The following ELMO1 variants were observed in gnomAD, a reference collection of about 807,000 sequenced individuals.
ELMO1 encodes the protein engulfment and cell motility 1, also known as engulfment and cell motility protein 1.
ELMO1 carries 26 observed loss-of-function variants against 98.9 expected under a neutral mutation model. The ratio of observed to expected loss-of-function variants is 0.26; its 90% confidence interval spans 0.19 to 0.36. The LOEUF (loss-of-function observed/expected upper bound fraction) is 0.36, where lower values mean the gene tolerates loss of function less well. ELMO1 is among the 10% of genes least tolerant of loss of function. The probability of loss-of-function intolerance (pLI) is 1.00; values close to 1 mark genes in which losing one functional copy is unlikely to be tolerated. For missense variants in ELMO1, 627 were observed against 935.2 expected (o/e 0.67, Z 4.30); for synonymous variants, 346 against 346.0 (o/e 1.00, Z 0.00).
At chr7:37,216,814 T>G in intron 10 of ELMO1, 119 bp from the exon 11 acceptor site, 1 of 984,362 alleles carries the variant, frequency 1.0e-6, no homozygotes, top group Non-Finnish European at 1.6e-6. Context: ...GTATTTCTTA[T>G]GAAATAATGA....
chr7:37,137,249 C>T (rs1459096573), intron 13 of ELMO1, among the ~76,000 whole-genome samples: 1 of 152,188 alleles, frequency 6.6e-6, no homozygotes, highest in Non-Finnish European at 1.5e-5. Flanking sequence ...ATGCATCTAA[C>T]ACTGGATCTC....
chr7:37,006,690 G>T (rs550933683), intron 16 of ELMO1, among the ~76,000 whole-genome samples: 1 of 152,274 alleles, frequency 6.6e-6, no homozygotes, highest in South Asian at 2.1e-4. Flanking sequence ...TTCAGGGGGA[G>T]GGTGATTGGG....
intron 16 of ELMO1, among the ~76,000 whole-genome samples, chr7:36,930,254 T>C (rs139981903): frequency 6.6e-6 from 1 of 152,352 alleles, no homozygotes; most frequent in Non-Finnish European, 1.5e-5. Context: ...AATGTAGTTA[T>C]GTTAACAAAA....
At chr7:37,222,144 C>T (rs187202691) in intron 10 of ELMO1, among the ~76,000 whole-genome samples, 208 of 152,358 alleles carry the variant, frequency 1.4e-3, no homozygotes, top group Admixed American at 2.3e-3. Context: ...ATTATCCCTC[C>T]TGTCCTCTTA....
intron 16 of ELMO1, among the ~76,000 whole-genome samples, chr7:36,915,480 T>A (rs1282083212): frequency 2.0e-5 from 3 of 152,224 alleles, no homozygotes; most frequent in Admixed American, 1.3e-4. Context: ...AAAGCTGTGA[T>A]CACATTCAGC....
chr7:37,311,711 G>A (rs556059804), intron 4 of ELMO1, among the ~76,000 whole-genome samples: 5 of 152,286 alleles, frequency 3.3e-5, no homozygotes, highest in Non-Finnish European at 5.9e-5. Context: ...CCCAGTGACA[G>A]CTGCATGAGG....
chr7:36,924,049 A>G (rs1785346930), intron 16 of ELMO1, among the ~76,000 whole-genome samples: 1 of 152,340 alleles, frequency 6.6e-6, no homozygotes, highest in South Asian at 2.1e-4. Flanking sequence ...AGGAGCCACT[A>G]AAGGGTTGTG....
intron 16 of ELMO1, among the ~76,000 whole-genome samples, chr7:36,976,293 A>G (rs1429965444): frequency 6.6e-6 from 1 of 152,232 alleles, no homozygotes; most frequent in East Asian, 1.9e-4. Context: ...GAATTTTATC[A>G]TAATGGAATT....
intron 15 of ELMO1, among the ~76,000 whole-genome samples, chr7:37,087,369 A>G (rs1297788930): frequency 6.6e-6 from 1 of 152,098 alleles, no homozygotes; most frequent in Non-Finnish European, 1.5e-5. Flanking sequence ...GTTTAGTCTC[A>G]GTTTTTGATG....
At chr7:37,388,692 T>C (rs1008395166) in intron 1 of ELMO1, among the ~76,000 whole-genome samples, 2 of 151,778 alleles carry the variant, frequency 1.3e-5, no homozygotes, top group African/African-American at 2.4e-5. Context: ...TCCCAGTGCT[T>C]TGGGAGGCTG....
intron 21 of ELMO1, among the ~76,000 whole-genome samples, chr7:36,859,481 T>C (rs1232907535): frequency 1.3e-5 from 2 of 152,166 alleles, no homozygotes. Flanking sequence ...GAGTTGGTGA[T>C]TGTAGAAACT....
intron 1 of ELMO1, among the ~76,000 whole-genome samples, chr7:37,435,579 G>A (rs1805110032): frequency 6.6e-6 from 1 of 152,208 alleles, no homozygotes; most frequent in South Asian, 2.1e-4. Flanking sequence ...AAACAAATCT[G>A]AGAATTTTCA....
intron 13 of ELMO1, among the ~76,000 whole-genome samples, chr7:37,160,130 G>C (rs917433293): frequency 6.6e-6 from 1 of 152,148 alleles, no homozygotes; most frequent in Non-Finnish European, 1.5e-5. Flanking sequence ...ATGCAAATGC[G>C]TGCTTGCATT....
At chr7:37,298,109 G>A (rs1429985267) in intron 4 of ELMO1, among the ~76,000 whole-genome samples, 26 of 152,000 alleles carry the variant, frequency 1.7e-4, no homozygotes, top group Admixed American at 1.7e-3. Context: ...AGCAGACACT[G>A]AAAAAAGAAT....
At chr7:36,873,279 G>A (rs1445957963) in intron 19 of ELMO1, among the ~76,000 whole-genome samples, 1 of 151,538 alleles carries the variant, frequency 6.6e-6, no homozygotes, top group African/African-American at 2.4e-5. Context: ...CAGAAACAGA[G>A]GGGTCAGACT....
At chr7:37,153,866 A>G (rs1788535426) in intron 13 of ELMO1, among the ~76,000 whole-genome samples, 1 of 152,082 alleles carries the variant, frequency 6.6e-6, no homozygotes, top group East Asian at 1.9e-4. Flanking sequence ...CAGGTCCCTG[A>G]CCCCCGAGTA....
intron 1 of ELMO1, among the ~76,000 whole-genome samples, chr7:37,348,148 A>G (rs1801099603): frequency 6.6e-6 from 1 of 152,126 alleles, no homozygotes; most frequent in South Asian, 2.1e-4. Flanking sequence ...TGAACATCTC[A>G]TTAGAGCTAC....
chr7:37,144,085 A>G (rs1028266881), intron 13 of ELMO1, among the ~76,000 whole-genome samples: 2 of 152,166 alleles, frequency 1.3e-5, no homozygotes, highest in Non-Finnish European at 2.9e-5. Flanking sequence ...CTCATGTTCA[A>G]TAAACCACAT....
In ELMO1 at chr7:37,400,377, T is replaced by TA. The variant is rs962846498; in HGVS notation, c.-74+48297dup. 5.3e-5 allele frequency among the ~76,000 whole-genome samples: 8 copies of TA among 151,572 alleles called. No homozygotes were observed. In the East Asian group the frequency reaches 5.8e-4, roughly 11 times the overall value. ...AAGCCACTGGAGTTATTTCAAAATTTAAAAAAAAAGTCAGCTTCACCCAAC... is the reference window on the plus strand; with the variant it reads ...AAGCCACTGGAGTTATTTCAAAATTTAAAAAAAAAAGTCAGCTTCACCCAAC... On this transcript the variant is annotated intron_variant, in intron 1 of 21. Coordinates refer to ENST00000310758, the MANE Select transcript of ELMO1 (RefSeq NM_014800.11).
Sources: gnomAD v4.1 joint callset for allele counts (sites outside exome capture counted in the v4.1 genomes callset) on GRCh38, gnomAD v4.1.1 for gene constraint, MANE v1.5 for transcripts, NCBI Gene and HGNC (gene_info 2026-07-23, HGNC 2026-07-21) for gene names.